Variants in ZNF556 observed in about 807,000 individuals in gnomAD.
ZNF556 encodes zinc finger protein 556.
In ZNF556, 11 loss-of-function variants were observed where a neutral mutation model predicts 13.6. The observed-to-expected ratio is 0.81, with a 90% CI of 0.51 to 1.33. The LOEUF (loss-of-function observed/expected upper bound fraction) is 1.33, where lower values mean the gene tolerates loss of function less well. Ranked by LOEUF, ZNF556 falls within the 40% of genes most tolerant of loss-of-function variation. ZNF556 has a pLI of 0.00. For synonymous variants in ZNF556, 229 were observed against 207.8 expected (o/e 1.10, Z -0.88); for missense variants, 633 against 566.2 (o/e 1.12, Z -1.20).
At position 2,877,919 on chromosome 19, in the gene ZNF556, G is replaced by A. The variant is rs147560891; in HGVS notation, c.961G>A (p.Gly321Arg). 2.6e-4 allele frequency: 426 copies of A among 1,614,206 alleles called. No individual in the cohort carries two copies. The highest frequency in any genetic ancestry group is 4.5e-4 in the Admixed American group (27 of 60,014). ...GEKPYKCGKC[G>R]KAFGWPSSLH... ...GAAACCCTATAAGTGTGGAAAATGC[G>A]GGAAAGCATTCGGTTGGCCCTCATC... The change falls in exon 4 of 4, where the codon GGG becomes AGG. Residue 321 changes from glycine (G) to arginine (R), a missense_variant. Coordinates refer to ENST00000307635, the MANE Select transcript of ZNF556 (RefSeq NM_024967.3).
Position 2,877,481 on chromosome 19 carries a change from T to C in ZNF556, c.523T>C (p.Tyr175His), listed in dbSNP as rs758819154. The C allele has an allele frequency of 1.9e-6, 3 of 1,614,198 alleles. No homozygotes were observed. The highest frequency in any genetic ancestry group is 2.2e-5 in the South Asian group (2 of 91,088). Residue 175 changes from tyrosine to histidine, a missense_variant, in exon 4 of 4, where the codon TAT becomes CAT. By Grantham distance (83) the Tyr-to-His change is moderately conservative (BLOSUM62 2). Transcript: ENST00000307635. ...HKRAHSGQKL[Y>H]KCKECGKAFS... The stretch of plus-strand genomic sequence containing the variant: ...AAGAGCTCACTCTGGACAAAAATTA[T>C]ATAAATGTAAGGAATGTGGGAAAGC...
In ZNF556 at chr19:2,878,427, T is replaced by C. The variant is rs917075351; in HGVS notation, c.*98T>C. ...GGCTCACGCCTGTAATCCCAGCACT[T>C]TGGGAGGCCGAGGCAGGCGGATCAC... On this transcript the variant is annotated 3_prime_UTR_variant, in exon 4 of 4. Coordinates refer to ENST00000307635, the MANE Select transcript of ZNF556 (RefSeq NM_024967.3). 2 of 1,267,016 alleles carry C rather than the reference T, an allele frequency of 1.6e-6. No individual in the cohort carries two copies. The highest frequency in any genetic ancestry group is 1.5e-5 in the African/African-American group (1 of 66,242). The allele number at this position is 1,267,016 out of a possible 1,614,324, so 78.5% of individuals were successfully genotyped here.
Position 2,880,628 on chromosome 19 carries a change from G to A in ZNF556, c.*2299G>A, listed in dbSNP as rs1399875890. The A allele has an allele frequency of 6.6e-6, 1 of 151,916 alleles. No individual in the cohort carries two copies. The highest frequency in any genetic ancestry group is 1.5e-5 in the Non-Finnish European group (1 of 68,040). 9.4% of individuals were successfully genotyped at this position (151,916 alleles called of 1,614,324 possible). ...ACTAAAAATACAAAATATTAGTGGGGTGTGCTGGTAGGTGCCTGTAGTCCC... is the reference window on the plus strand; with the variant it reads ...ACTAAAAATACAAAATATTAGTGGGATGTGCTGGTAGGTGCCTGTAGTCCC... On this transcript the variant is annotated 3_prime_UTR_variant, in exon 4 of 4. Transcript: ENST00000307635.
At chr19:2,869,401 C>G (rs1199879857) in intron 1 of ZNF556, among the ~76,000 whole-genome samples, 1 of 152,050 alleles carries the variant, frequency 6.6e-6, no homozygotes, top group African/African-American at 2.4e-5. Flanking sequence ...GAGTCTTGCT[C>G]TGTCACCGAC....
chr19:2,878,354 T>C lies in ZNF556; in HGVS notation c.*25T>C. The C allele has an allele frequency of 6.2e-7, 1 of 1,600,628 alleles. No homozygotes were observed. Among genetic ancestry groups the C allele is most frequent in the Non-Finnish European group, 8.5e-7 (1 of 1,172,976 alleles). On this transcript the variant is annotated 3_prime_UTR_variant, in exon 4 of 4. Coordinates refer to ENST00000307635, the MANE Select transcript of ZNF556 (RefSeq NM_024967.3). ...ATGGGGGAAAACCTGTGCAAATTAA[T>C]TCACATACATGGTTCAGAAAATTCA...
In ZNF556 at chr19:2,874,758, AAAAG is replaced by A. The variant is rs572407996; in HGVS notation, c.130+1156_130+1159del. On this transcript the variant is annotated intron_variant, in intron 2 of 3. Coordinates refer to ENST00000307635, the MANE Select transcript of ZNF556 (RefSeq NM_024967.3). ...GACTCTGTCTCAAAAAAAAAAAAAA[AAAAG>A]AAAGAAAGAAAGAAAGAAAAAGAAA... 2.5e-3 allele frequency among the ~76,000 whole-genome samples: 328 copies of A among 130,466 alleles called. 1 individual carries two copies. The highest frequency in any genetic ancestry group is 5.1e-3 in the African/African-American group (185 of 36,302). 85.6% of individuals were successfully genotyped at this position (130,466 alleles called of 152,430 possible).
chr19:2,871,020 C>T (rs980598597), intron 1 of ZNF556, among the ~76,000 whole-genome samples: 1 of 147,784 alleles, frequency 6.8e-6, no homozygotes, highest in African/African-American at 2.6e-5. Context: ...GCCTAGGTGA[C>T]AGAGCGAGAC....
intron 1 of ZNF556, among the ~76,000 whole-genome samples, chr19:2,870,739 T>A (rs1275727706): frequency 7.9e-6 from 1 of 126,918 alleles, no homozygotes; most frequent in African/African-American, 3.0e-5. Context: ...AGAGTGAGAC[T>A]CCATCTCAAA....
chr19:2,880,070 G>C lies in ZNF556; in HGVS notation c.*1741G>C, dbSNP rs2087893499. On this transcript the variant is annotated 3_prime_UTR_variant, in exon 4 of 4. Transcript: ENST00000307635. ...AAGAATAATTTTTTAAAAAAGCACA[G>C]GGGATTGTTTCCCTACTGCATCTAC... 2.0e-5 allele frequency: 3 copies of C among 152,066 alleles called. No homozygotes were observed. The South Asian group carries it at 6.2e-4, about 31-fold the overall frequency. The allele number at this position is 152,066 out of a possible 1,614,324, so 9.4% of individuals were successfully genotyped here.
chr19:2,867,872 G>T (rs1285437364), intron 1 of ZNF556, among the ~76,000 whole-genome samples: 1 of 152,184 alleles, frequency 6.6e-6, no homozygotes, highest in Non-Finnish European at 1.5e-5. Context: ...GGCGGCACGG[G>T]CTGGCCTGAC....
At position 2,877,888 on chromosome 19, in the gene ZNF556, C is replaced by T. The variant is rs188271700; in HGVS notation, c.930C>T (p.Asn310=). ...TTCAACGACACGTGAGAATTCACAA[C>T]GGGGAGAAACCCTATAAGTGTGGAA... is the stretch of plus-strand genomic sequence containing the variant. ...TSFQRHVRIH[N]GEKPYKCGKC... The change falls in exon 4 of 4, where the codon AAC becomes AAT. Residue 310 remains asparagine (N), a synonymous_variant. Transcript: ENST00000307635. The T allele has an allele frequency of 1.7e-4, 267 of 1,614,154 alleles. No individual in the cohort carries two copies. Among genetic ancestry groups the T allele is most frequent in the South Asian group, 5.1e-4 (46 of 91,084 alleles).
In ZNF556 at chr19:2,880,101, C is replaced by G. The variant is rs899167135; in HGVS notation, c.*1772C>G. ...TGTTTCCCTACTGCATCTACTGTGA[C>G]CTAGTATTCTTCGTGAGATAAATCT... On this transcript the variant is annotated 3_prime_UTR_variant, in exon 4 of 4. Coordinates refer to ENST00000307635, the MANE Select transcript of ZNF556 (RefSeq NM_024967.3). 6.6e-6 allele frequency: 1 copy of G among 152,098 alleles called. No individual in the cohort carries two copies. Among genetic ancestry groups the G allele is most frequent in the Non-Finnish European group, 1.5e-5 (1 of 68,008 alleles). 9.4% of individuals were successfully genotyped at this position (152,098 alleles called of 1,614,324 possible).
Position 2,877,412 on chromosome 19 carries a change from T to C in ZNF556, c.454T>C (p.Cys152Arg), listed in dbSNP as rs767596206. The C allele has an allele frequency of 2.5e-6, 4 of 1,614,026 alleles. No individual in the cohort carries two copies. Among genetic ancestry groups the C allele is most frequent in the African/African-American group, 1.3e-5 (1 of 74,910 alleles). ...TGTAAGACGGTACGAATGCAGTCAG[T>C]GTGGAAAACTCTTCACCCATTCCTC... ...TSVRRYECSQCGKLFTHSSSL... is the reference protein window; with the variant it reads ...TSVRRYECSQRGKLFTHSSSL... Residue 152 changes from cysteine to arginine, a missense_variant, in exon 4 of 4, where the codon TGT (cysteine) becomes CGT (arginine). Physicochemically the swap from Cys to Arg is radical, Grantham distance 180. Coordinates refer to ENST00000307635, the MANE Select transcript of ZNF556 (RefSeq NM_024967.3).
At chr19:2,868,516 G>A (rs948370869) in intron 1 of ZNF556, among the ~76,000 whole-genome samples, 3 of 146,352 alleles carry the variant, frequency 2.0e-5, no homozygotes, top group East Asian at 2.1e-4. Context: ...GAGTTCAAGC[G>A]ATTGATTCTC....
At chr19:2,873,906 A>G (rs1240393168) in intron 2 of ZNF556, among the ~76,000 whole-genome samples, 3 of 152,050 alleles carry the variant, frequency 2.0e-5, no homozygotes, top group Non-Finnish European at 2.9e-5. Flanking sequence ...ACAGTGACCC[A>G]TGATCACACC....
rs2087912873 is a variant in ZNF556, at chr19:2,882,542, G to A, written c.*4213G>A. The A allele has an allele frequency of 6.6e-6, 1 of 150,470 alleles. No individual in the cohort carries two copies. The highest frequency in any genetic ancestry group is 6.7e-5 in the Admixed American group (1 of 15,022). The allele number at this position is 150,470 out of a possible 1,614,324, so 9.3% of individuals were successfully genotyped here. A position where few individuals can be genotyped will look rare whatever the true frequency, so the allele number is the denominator to read the frequency against. On this transcript the variant is annotated 3_prime_UTR_variant, in exon 4 of 4. Transcript: ENST00000307635. Reference sequence around the variant, plus strand: ...ATATATATATATATAGTGTGTGTGTGTGTGTGTGTGTGTGTGTGTGTGTGA... The same window carrying A: ...ATATATATATATATAGTGTGTGTGTATGTGTGTGTGTGTGTGTGTGTGTGA...
rs138451097 is a variant in ZNF556, at chr19:2,873,631, A to G, written c.130+9A>G. The G allele has an allele frequency of 0.014, 22,245 of 1,611,550 alleles. 219 individuals carry two copies. Among genetic ancestry groups the G allele is most frequent in the Middle Eastern group, 0.014 (87 of 6,036 alleles). On this transcript the variant is annotated intron_variant, in intron 2 of 3. Transcript: ENST00000307635. Reference sequence around the variant, plus strand: ...GCACCTGGCCTCAGTAGGTGAGGATAGCATTATTTCTGCACTTAGTTATTA... The same window carrying G: ...GCACCTGGCCTCAGTAGGTGAGGATGGCATTATTTCTGCACTTAGTTATTA...
intron 1 of ZNF556, among the ~76,000 whole-genome samples, chr19:2,869,283 T>A (rs904305758): frequency 1.3e-5 from 2 of 152,202 alleles, no homozygotes; most frequent in African/African-American, 4.8e-5. Context: ...CTTTCCTGTG[T>A]GAAATAATTA....
chr19:2,877,621 T>C lies in ZNF556; in HGVS notation c.663T>C (p.His221=), dbSNP rs1037111276. Residue 221 remains histidine, a synonymous_variant, in exon 4 of 4, where the codon CAT becomes CAC. Coordinates refer to ENST00000307635, the MANE Select transcript of ZNF556 (RefSeq NM_024967.3). The part of the protein sequence containing the change: ...TFLRSHSLTE[H]VRTHTGEKPY... ...TTCGTTCCCACTCTCTCACTGAACA[T>C]GTAAGGACTCACACTGGAGAGAAAC... 4 of 1,614,194 alleles carry C rather than the reference T, an allele frequency of 2.5e-6. No individual in the cohort carries two copies. The highest frequency in any genetic ancestry group is 3.4e-6 in the Non-Finnish European group (4 of 1,180,034).
Sources: allele counts gnomAD v4.1 joint callset (sites outside exome capture counted in the v4.1 genomes callset), GRCh38; gene constraint gnomAD v4.1.1; transcripts MANE v1.5; gene names NCBI Gene and HGNC (gene_info 2026-07-23, HGNC 2026-07-21).